FARP2: variants seen among roughly 807,000 people sequenced by gnomAD.
The protein encoded by FARP2 is FERM, ARHGEF and pleckstrin domain-containing protein 2.
In FARP2, 111 loss-of-function variants were observed where a neutral mutation model predicts 130.5. The observed-to-expected ratio is 0.85, with a 90% CI of 0.73 to 1.00. The LOEUF is 1.00. FARP2 is among the 50% of genes least tolerant of loss of function. FARP2 has a pLI of 0.00. For missense variants in FARP2, 1,385 were observed against 1,346.3 expected (o/e 1.03, Z -0.45); for synonymous variants, 504 against 516.9 (o/e 0.98, Z 0.34).
At position 241,462,568 on chromosome 2, in the gene FARP2, G is replaced by C. The variant is rs777894186; in HGVS notation, c.1633G>C (p.Ala545Pro). 3.1e-6 allele frequency: 5 copies of C among 1,613,780 alleles called. No homozygotes were observed. The highest frequency in any genetic ancestry group is 1.7e-5 in the Admixed American group (1 of 60,006). Residue 545 changes from alanine to proline, a missense_variant, in exon 15 of 27, where the codon GCT becomes CCT. Ala to Pro is a conservative substitution (Grantham distance 27, BLOSUM62 -1). Coordinates refer to ENST00000264042, the MANE Select transcript of FARP2 (RefSeq NM_014808.4). ...EAYFIVKEIL[A>P]TERTYLKDLE... Reference sequence around the variant, plus strand: ...CTACTTCATAGTCAAAGAGATTCTCGCTACAGAACGAACATACCTCAAGGA... The same window carrying C: ...CTACTTCATAGTCAAAGAGATTCTCCCTACAGAACGAACATACCTCAAGGA...
In FARP2 at chr2:241,447,413, C is replaced by T. The variant is rs148395757; in HGVS notation, c.1411+5857C>T. 3.0e-3 allele frequency among the ~76,000 whole-genome samples: 458 copies of T among 152,260 alleles called. 3 individuals are homozygous for T. Among genetic ancestry groups the T allele is most frequent in the Non-Finnish European group, 3.5e-3 (241 of 68,028 alleles). On this transcript the variant is annotated intron_variant, in intron 13 of 26. Coordinates refer to ENST00000264042, the MANE Select transcript of FARP2 (RefSeq NM_014808.4). ...CTTGGTCTTAGCTCTGTCAGTGCTT[C>T]CTGCTCTCGCCTGGTGTGGCCTGCA... is the stretch of plus-strand genomic sequence containing the variant.
intron 1 of FARP2, among the ~76,000 whole-genome samples, chr2:241,357,912 C>T (rs1210603464): frequency 1.3e-5 from 2 of 152,142 alleles, no homozygotes; most frequent in African/African-American, 4.8e-5. Context: ...TTAAAATTTA[C>T]TTGGCCAGGC....
intron 2 of FARP2, among the ~76,000 whole-genome samples, chr2:241,378,998 T>C (rs2061602038): frequency 6.6e-6 from 1 of 152,224 alleles, no homozygotes; most frequent in Non-Finnish European, 1.5e-5. Context: ...TAAAACCATC[T>C]GAAAGTTGTG....
chr2:241,494,172 C>G lies in FARP2; in HGVS notation c.*47C>G, dbSNP rs956214959. 2 of 1,216,970 alleles carry G rather than the reference C, an allele frequency of 1.6e-6. No individual in the cohort carries two copies. The highest frequency in any genetic ancestry group is 5.6e-5 in the East Asian group (2 of 35,474). 75.4% of individuals were successfully genotyped at this position (1,216,970 alleles called of 1,614,324 possible). Reference sequence around the variant, plus strand: ...GACACAACTACAAAGAACAGCAGGACACAGAGGTGACCTCTGTCCTGAGGC... The same window carrying G: ...GACACAACTACAAAGAACAGCAGGAGACAGAGGTGACCTCTGTCCTGAGGC... On this transcript the variant is annotated 3_prime_UTR_variant, in exon 27 of 27. Transcript: ENST00000264042. This position sits in a 1 kb window ranked among gnomAD's most constrained non-coding sequence, Gnocchi z 4.9.
intron 1 of FARP2, among the ~76,000 whole-genome samples, chr2:241,358,119 G>A (rs942238674): frequency 6.6e-6 from 1 of 152,206 alleles, no homozygotes; most frequent in South Asian, 2.1e-4. Context: ...AACCCAGGAG[G>A]TGGAGGTTGC....
intron 5 of FARP2, chr2:241,410,809 C>T (rs2062498163): frequency 2.0e-6 from 1 of 495,766 alleles, no homozygotes; most frequent in East Asian, 3.8e-5. Flanking sequence ...GTGTGTGACT[C>T]AGTCTGCTGA....
intron 5 of FARP2, among the ~76,000 whole-genome samples, chr2:241,408,324 A>G (rs1452910554): frequency 1.3e-5 from 2 of 152,052 alleles, no homozygotes; most frequent in African/African-American, 4.8e-5. Context: ...GTGAGTCAAG[A>G]TCACATCACT....
intron 18 of FARP2, among the ~76,000 whole-genome samples, chr2:241,469,992 C>T (rs532731011): frequency 6.6e-6 from 1 of 152,344 alleles, no homozygotes; most frequent in East Asian, 1.9e-4. Flanking sequence ...ATCTCTGAAG[C>T]GCAGTGAGAG....
At chr2:241,488,423 T>G (rs894266862) in intron 21 of FARP2, 4 of 150,360 alleles carry the variant, frequency 2.7e-5, no homozygotes, top group East Asian at 1.9e-4. Context: ...TTGGTTTTTT[T>G]TTTTTTTTTT....
At chr2:241,483,613 G>A (rs2064680339) in intron 20 of FARP2, 80 bp downstream of exon 20, 17 of 1,465,250 alleles carry the variant, frequency 1.2e-5, no homozygotes, top group Admixed American at 1.7e-5. Flanking sequence ...CGCCTGCAGC[G>A]GCAGCCCATT....
chr2:241,408,519 C>T (rs1168687952), intron 5 of FARP2, among the ~76,000 whole-genome samples: 1 of 144,422 alleles, frequency 6.9e-6, no homozygotes, highest in Non-Finnish European at 1.5e-5. Context: ...CCAGCCTGGG[C>T]AACAAGAGCG....
chr2:241,380,263 A>G (rs1275436805), intron 2 of FARP2, among the ~76,000 whole-genome samples: 1 of 152,162 alleles, frequency 6.6e-6, no homozygotes, highest in African/African-American at 2.4e-5. Flanking sequence ...CTCGCACACC[A>G]TTTGTTGAGC....
At position 241,466,694 on chromosome 2, in the gene FARP2, C is replaced by CG. The variant is rs1433543345; in HGVS notation, c.1894-1446_1894-1445insG. The CG allele has an allele frequency of 3.8e-5, 26 of 689,380 alleles. 1 individual carries two copies. The highest frequency in any genetic ancestry group is 2.6e-4 in the Admixed American group (4 of 15,354). The allele number at this position is 689,380 out of a possible 1,614,324, so 42.7% of individuals were successfully genotyped here. On this transcript the variant is annotated intron_variant, in intron 17 of 26. Transcript: ENST00000264042. ...CCTTCACTCCCCTTCCAACCACCCCCCCCCCCACCACCACCACCCGTACCC... is the reference window on the plus strand; with the variant it reads ...CCTTCACTCCCCTTCCAACCACCCCCGCCCCCCACCACCACCACCCGTACCC...
intron 2 of FARP2, among the ~76,000 whole-genome samples, chr2:241,379,694 G>A (rs1480927744): frequency 1.3e-5 from 2 of 152,142 alleles, no homozygotes; most frequent in African/African-American, 2.4e-5. Context: ...GCTCCCACAC[G>A]AACATCCTAA....
At chr2:241,440,527 T>G (rs987373572) in intron 12 of FARP2, among the ~76,000 whole-genome samples, 6 of 152,166 alleles carry the variant, frequency 3.9e-5, no homozygotes, top group Non-Finnish European at 8.8e-5. Flanking sequence ...TGGCCACTCC[T>G]GTGCTTTTGG....
chr2:241,366,111 A>ATATATATATACGTATATATATATATGTG (rs2061305697), intron 1 of FARP2, among the ~76,000 whole-genome samples: 1 of 16,606 alleles, frequency 6.0e-5, no homozygotes, highest in African/African-American at 1.9e-4. Context: ...AAAAATATAT[A>ATATATATATACGTATATATATATATGTG]TATATATATA....
intron 19 of FARP2, among the ~76,000 whole-genome samples, chr2:241,477,038 T>G (rs1271550903): frequency 2.0e-5 from 3 of 152,132 alleles, no homozygotes; most frequent in Admixed American, 6.5e-5. Flanking sequence ...TCTGGGCATT[T>G]CATAGAAATG....
chr2:241,464,519 C>T (rs930424732), intron 17 of FARP2, among the ~76,000 whole-genome samples: 5 of 150,778 alleles, frequency 3.3e-5, no homozygotes, highest in African/African-American at 9.8e-5. Context: ...CTACTCAAAG[C>T]AGGGTTTCCC....
Position 241,491,588 on chromosome 2 carries a change from G to A in FARP2, c.2696G>A (p.Gly899Glu), listed in dbSNP as rs866434100. ...CGGGGTGTCCGCAGCTCCCTGGAGG[G>A]GCATGGCCAGCACCGGGCCAACACC... ...DARGVRSSLE[G>E]HGQHRANTTM... The change falls in exon 24 of 27, where the codon GGG (glycine) becomes GAG (glutamate). Residue 899 changes from glycine (G) to glutamate (E), a missense_variant. Physicochemically the swap from Gly to Glu is moderately conservative, Grantham distance 98. Transcript: ENST00000264042. 6.2e-6 allele frequency: 10 copies of A among 1,613,888 alleles called. No homozygotes were observed. The Middle Eastern group carries it at 4.9e-4, about 80-fold the overall frequency.
Sources: allele counts gnomAD v4.1 joint callset (sites outside exome capture counted in the v4.1 genomes callset), GRCh38; gene constraint gnomAD v4.1.1; non-coding constraint Gnocchi (gnomAD v3.1); transcripts MANE v1.5; gene names NCBI Gene and HGNC (gene_info 2026-07-23, HGNC 2026-07-21).